Variants in STAG1 observed in about 807,000 individuals in gnomAD.
The protein encoded by STAG1 is cohesin subunit SA-1.
STAG1 carries 26 observed loss-of-function variants against 170.9 expected under a neutral mutation model. The ratio of observed to expected loss-of-function variants is 0.15; its 90% CI spans 0.11 to 0.21. STAG1 has a LOEUF of 0.21. STAG1 is among the 10% of genes least tolerant of loss of function. The probability of loss-of-function intolerance (pLI) is 1.00; values close to 1 mark genes in which losing one functional copy is unlikely to be tolerated. For synonymous variants in STAG1, 514 were observed against 497.7 expected, an observed-to-expected ratio of 1.03 and a Z score of -0.44; for missense variants, 964 against 1,509.5, an observed-to-expected ratio of 0.64 and a Z score of 5.99.
intron 15 of STAG1, among the ~76,000 whole-genome samples, chr3:136,435,788 G>A (rs2088442788): frequency 6.6e-6 from 1 of 151,986 alleles, no homozygotes; most frequent in African/African-American, 2.4e-5. Flanking sequence ...TCCTGCCTCA[G>A]CCTCCCTAGT....
chr3:136,376,005 TAAATAATTAAC>T (rs1193074313), intron 23 of STAG1, among the ~76,000 whole-genome samples: 2 of 63,936 alleles, frequency 3.1e-5, no homozygotes, highest in South Asian at 6.6e-4. Flanking sequence ...AATAAATAAA[TAAATAATTAAC>T]AAAATAAAAT....
At chr3:136,452,172 C>G (rs902777332) in intron 13 of STAG1, 25 bp from the exon 14 acceptor site, 2 of 1,449,232 alleles carry the variant, frequency 1.4e-6, no homozygotes, top group Admixed American at 1.7e-5. Flanking sequence ...CAGGGCATTG[C>G]AAAGTTACAT....
intron 1 of STAG1, among the ~76,000 whole-genome samples, chr3:136,681,652 A>G (rs1038870567): frequency 6.6e-6 from 1 of 152,232 alleles, no homozygotes; most frequent in Admixed American, 6.5e-5. Flanking sequence ...ACAAAACACT[A>G]GCAAACTGAA....
chr3:136,703,498 A>C (rs1037938463), intron 1 of STAG1, among the ~76,000 whole-genome samples: 55 of 152,204 alleles, frequency 3.6e-4, no homozygotes, highest in African/African-American at 1.3e-3. Flanking sequence ...CATTGAGCTA[A>C]AGTGATTTAT....
intron 13 of STAG1, among the ~76,000 whole-genome samples, chr3:136,453,906 C>A (rs2089022880): frequency 6.6e-6 from 1 of 151,914 alleles, no homozygotes; most frequent in African/African-American, 2.4e-5. Flanking sequence ...AAAACGACCA[C>A]AGAGAAGCTG....
In STAG1 at chr3:136,673,603, C is replaced by T. The variant is rs138410591; in HGVS notation, c.-83-42622G>A. ...TGTATGTATGTACATGCCACAATCC[C>T]TCTACCTCAATTATGTCAACCTGTT... is the stretch of plus-strand genomic sequence containing the variant. On this transcript the variant is annotated intron_variant, in intron 1 of 33. Transcript: ENST00000383202. 2.9e-4 allele frequency among the ~76,000 whole-genome samples: 44 copies of T among 152,206 alleles called. No individual in the cohort carries two copies. The East Asian group carries it at 6.0e-3, about 21-fold the overall frequency.
chr3:136,644,770 G>A (rs1490135874), intron 1 of STAG1, among the ~76,000 whole-genome samples: 2 of 151,890 alleles, frequency 1.3e-5, no homozygotes, highest in African/African-American at 4.8e-5. Flanking sequence ...TCACCAGGCT[G>A]GAGTGTGCTG....
At chr3:136,436,622 T>C (rs1250335042) in intron 15 of STAG1, among the ~76,000 whole-genome samples, 1 of 151,980 alleles carries the variant, frequency 6.6e-6, no homozygotes, top group East Asian at 1.9e-4. Context: ...TAGTTCTTTC[T>C]TTCTCCTTCC....
intron 7 of STAG1, among the ~76,000 whole-genome samples, chr3:136,503,038 T>C (rs1273252586): frequency 6.6e-6 from 1 of 152,134 alleles, no homozygotes; most frequent in African/African-American, 2.4e-5. Context: ...AAGAAAGGAT[T>C]TCAGTTCTAT....
chr3:136,519,250 C>T (rs914942459), intron 7 of STAG1, among the ~76,000 whole-genome samples: 1 of 152,084 alleles, frequency 6.6e-6, no homozygotes, highest in Non-Finnish European at 1.5e-5. Flanking sequence ...ATACAATTAA[C>T]CTTTTAAACA....
At chr3:136,359,431 C>G in intron 26 of STAG1, 135 bp from the exon 27 acceptor site, 1 of 564,388 alleles carries the variant, frequency 1.8e-6, no homozygotes. Context: ...TTTAGCTACT[C>G]TGTTCCCTTT....
At chr3:136,627,693 C>G (rs1056588673) in intron 2 of STAG1, among the ~76,000 whole-genome samples, 14 of 152,166 alleles carry the variant, frequency 9.2e-5, no homozygotes, top group African/African-American at 3.1e-4. Context: ...GAAATTCAAA[C>G]TTTGACCAAT....
chr3:136,614,804 A>G (rs953574228), intron 3 of STAG1, among the ~76,000 whole-genome samples: 5 of 151,184 alleles, frequency 3.3e-5, no homozygotes, highest in Admixed American at 6.6e-5. Flanking sequence ...AAGATACAAA[A>G]ACATTCTTTA....
rs149361750 is a variant in STAG1 at position 136,442,140 on chromosome 3, G to A, written c.1546+1147C>T. 1.1e-4 allele frequency among the ~76,000 whole-genome samples: 16 copies of A among 152,340 alleles called. No individual in the cohort carries two copies. The East Asian group carries it at 3.1e-3, about 29-fold the overall frequency. ...ATGAATCTGGGAGGCAGAGGTTGCAGTGAGCTGAGAATGCGCCACTGCACT... is the reference window on the plus strand; with the variant it reads ...ATGAATCTGGGAGGCAGAGGTTGCAATGAGCTGAGAATGCGCCACTGCACT... On this transcript the variant is annotated intron_variant, in intron 15 of 33. Transcript: ENST00000383202.
chr3:136,472,276 C>G (rs2089646511), intron 12 of STAG1, 137 bp downstream of exon 12: 1 of 490,668 alleles, frequency 2.0e-6, no homozygotes, highest in East Asian at 3.4e-5. Context: ...CTTTTTAAAT[C>G]TAACGTTAAA....
At chr3:136,696,757 TA>T (rs1208798847) in intron 1 of STAG1, among the ~76,000 whole-genome samples, 1 of 152,142 alleles carries the variant, frequency 6.6e-6, no homozygotes, top group Non-Finnish European at 1.5e-5. Flanking sequence ...CTGTGCTTAA[TA>T]AAAGAAGCCA....
At chr3:136,626,706 G>C (rs993262465) in intron 2 of STAG1, among the ~76,000 whole-genome samples, 1 of 152,072 alleles carries the variant, frequency 6.6e-6, no homozygotes, top group African/African-American at 2.4e-5. Flanking sequence ...AATCCAAATA[G>C]GCCATGTTCA....
intron 1 of STAG1, among the ~76,000 whole-genome samples, chr3:136,727,632 G>T (rs1391798285): frequency 1.3e-5 from 2 of 151,962 alleles, no homozygotes; most frequent in Non-Finnish European, 2.9e-5. Flanking sequence ...CCCCCTTTTG[G>T]GTCTCTAGGA....
intron 15 of STAG1, 69 bp from the exon 16 acceptor site, chr3:136,433,728 C>T (rs371114077): frequency 1.3e-5 from 14 of 1,065,284 alleles, no homozygotes; most frequent in East Asian, 1.2e-4. Context: ...AAAATGAACA[C>T]ATTATTAAAA....
Sources: gnomAD v4.1 joint callset for allele counts (sites outside exome capture counted in the v4.1 genomes callset) on GRCh38, gnomAD v4.1.1 for gene constraint, MANE v1.5 for transcripts, NCBI Gene and HGNC (gene_info 2026-07-23, HGNC 2026-07-21) for gene names.